FAAH2: variants seen among roughly 807,000 people sequenced by gnomAD.
FAAH2 encodes the protein fatty-acid amide hydrolase 2.
FAAH2 carries 60 observed loss-of-function variants against 36.9 expected under a neutral mutation model. That is an observed-to-expected ratio of 1.63 (90% CI 1.32 to 2.02). FAAH2 has a LOEUF of 2.02. FAAH2 is among the 30% of genes most tolerant of loss of function. The pLI is 0.00. For synonymous variants in FAAH2, 214 were observed against 143.8 expected, an observed-to-expected ratio of 1.49 and a Z score of -3.49; for missense variants, 689 against 397.5, an observed-to-expected ratio of 1.73 and a Z score of -6.23.
At chrX:57,151,700 G>A in the FAAH2 span, among the ~76,000 whole-genome samples, 4 of 110,841 alleles carry the variant, frequency 3.6e-5, no homozygotes, top group African/African-American at 9.9e-5. Context: ...TTTGCCATTG[G>A]TTTGAATTTC....
rs372783296 is a variant in FAAH2 at position 57,378,703 on chromosome X, G to A, written c.795G>A (p.Leu265=). Residue 265 remains leucine, a synonymous_variant, in exon 6 of 11, where the codon TTG becomes TTA. Coordinates refer to ENST00000374900, the MANE Select transcript of FAAH2 (RefSeq NM_174912.4). ...QFPLAVGAQE[L]FLCTGPMCRY... The stretch of plus-strand genomic sequence containing the variant: ...CCTTGGCTGTGGGAGCCCAGGAGTT[G>A]TTTCTGTGCACTGGTCCTATGTGCC... The A allele has an allele frequency of 8.3e-7, 1 of 1,211,185 alleles. No individual in the cohort carries two copies.
chrX:57,288,495 G>A (rs973074642), intron 1 of FAAH2, among the ~76,000 whole-genome samples: 7 of 107,739 alleles, frequency 6.5e-5, no homozygotes, highest in Admixed American at 5.0e-4. Flanking sequence ...GACTACAGGC[G>A]CCCGCCACCA....
intron 5 of FAAH2, among the ~76,000 whole-genome samples, chrX:57,358,559 ATG>A (rs1223214129): frequency 3.6e-5 from 4 of 110,607 alleles, no homozygotes; most frequent in Non-Finnish European, 7.6e-5. Context: ...TTATATATGT[ATG>A]TGTGTGTGTG....
intron 8 of FAAH2, among the ~76,000 whole-genome samples, chrX:57,439,794 G>A (rs760613948): frequency 1.6e-4 from 18 of 111,584 alleles, no homozygotes; most frequent in Admixed American, 3.8e-4. Flanking sequence ...TGTAAGGAAG[G>A]GATCCAGTTT....
chrX:57,443,567 C>G (rs1245890811), intron 8 of FAAH2, among the ~76,000 whole-genome samples: 1 of 111,815 alleles, frequency 8.9e-6, no homozygotes, highest in East Asian at 2.8e-4. Context: ...CCTCCTTTAG[C>G]TTGGAGAAGT....
At chrX:57,438,462 C>T (rs771150300) in intron 8 of FAAH2, among the ~76,000 whole-genome samples, 1 of 108,486 alleles carries the variant, frequency 9.2e-6, no homozygotes, top group East Asian at 2.9e-4. Flanking sequence ...GAGAAACATC[C>T]CATGCTATTG....
At position 57,352,035 on chromosome X, in the gene FAAH2, T is replaced by TATATATATATATATATATAC. The variant is rs1293991896; in HGVS notation, c.742+10646_742+10647insTATATATATATATATATACA. ...ATGTGTGTGTGTATATATATATATA[T>TATATATATATATATATATAC]ACATATATATATGTGTATATATATA... On this transcript the variant is annotated intron_variant, in intron 5 of 10. Transcript: ENST00000374900. 2.5e-4 allele frequency among the ~76,000 whole-genome samples: 4 copies of TATATATATATATATATATAC among 15,882 alleles called. 1 individual carries two copies. Among genetic ancestry groups the TATATATATATATATATATAC allele is most frequent in the African/African-American group, 4.8e-4 (4 of 8,394 alleles). The allele number at this position is 15,882 out of a possible 115,157, so 13.8% of individuals were successfully genotyped here. A position where few individuals can be genotyped will look rare whatever the true frequency, so the allele number is the denominator to read the frequency against.
intron 10 of FAAH2, among the ~76,000 whole-genome samples, chrX:57,467,795 G>T (rs1336321015): frequency 8.9e-6 from 1 of 111,858 alleles, no homozygotes; most frequent in Non-Finnish European, 1.9e-5. Flanking sequence ...CGGACAGACT[G>T]CCTCCTCAAG....
intron 5 of FAAH2, among the ~76,000 whole-genome samples, chrX:57,352,066 ACACATATATATATGTG>A (rs1348995355): frequency 6.0e-4 from 6 of 9,925 alleles, no homozygotes; most frequent in Non-Finnish European, 1.8e-3. Context: ...ATATATATAT[ACACATATATATATGTG>A]TATATATATG....
chrX:57,155,095 T>A, the FAAH2 span, among the ~76,000 whole-genome samples: 1 of 111,844 alleles, frequency 8.9e-6, no homozygotes, highest in Non-Finnish European at 1.9e-5. Context: ...GGCAGGAGAG[T>A]TAAATGGACT....
the FAAH2 span, among the ~76,000 whole-genome samples, chrX:57,175,516 C>G: frequency 2.7e-5 from 3 of 111,844 alleles, no homozygotes; most frequent in African/African-American, 9.7e-5. Flanking sequence ...AACTTCTTAT[C>G]TATTTTGCCA....
chrX:57,194,317 C>T, the FAAH2 span, among the ~76,000 whole-genome samples: 5 of 111,265 alleles, frequency 4.5e-5, no homozygotes, highest in Admixed American at 3.8e-4. Flanking sequence ...CATATAATTA[C>T]TCATAGTATC....
chrX:57,236,746 T>C, the FAAH2 span, among the ~76,000 whole-genome samples: 108 of 111,795 alleles, frequency 9.7e-4, no homozygotes, highest in African/African-American at 3.4e-3. Context: ...TTATATATCA[T>C]GAATATTAGC....
the FAAH2 span, among the ~76,000 whole-genome samples, chrX:57,212,854 T>C: frequency 1.2e-4 from 13 of 112,125 alleles, no homozygotes; most frequent in East Asian, 3.1e-3. Flanking sequence ...AATGAGTTAG[T>C]ATTTTCACCT....
intron 7 of FAAH2, among the ~76,000 whole-genome samples, chrX:57,420,329 A>G (rs984075907): frequency 5.4e-5 from 6 of 111,424 alleles, no homozygotes; most frequent in African/African-American, 2.0e-4. Context: ...CATTTTCATG[A>G]TATTGATTCT....
At chrX:57,452,286 A>G in intron 10 of FAAH2, 1 of 754,789 alleles carries the variant, frequency 1.3e-6, no homozygotes, top group South Asian at 6.7e-5. Flanking sequence ...CCAGCATTAG[A>G]GTGAAACTCA....
intron 7 of FAAH2, among the ~76,000 whole-genome samples, chrX:57,421,116 C>T (rs933014089): frequency 2.7e-5 from 3 of 112,063 alleles, no homozygotes; most frequent in African/African-American, 9.7e-5. Context: ...CATTTTAGCT[C>T]CAACACATGA....
intron 3 of FAAH2, among the ~76,000 whole-genome samples, chrX:57,319,351 A>G (rs1350140050): frequency 8.9e-6 from 1 of 111,987 alleles, no homozygotes; most frequent in Non-Finnish European, 1.9e-5. Flanking sequence ...ATGTGCAAAA[A>G]TCACAAGCAT....
chrX:57,399,322 G>C (rs1169725331), intron 7 of FAAH2, among the ~76,000 whole-genome samples: 1 of 111,884 alleles, frequency 8.9e-6, no homozygotes, highest in Admixed American at 9.4e-5. Flanking sequence ...TTGGCCATCT[G>C]ATGGGTGCTA....
Sources: gnomAD v4.1 joint callset for allele counts (sites outside exome capture counted in the v4.1 genomes callset) on GRCh38, gnomAD v4.1.1 for gene constraint, MANE v1.5 for transcripts, NCBI Gene and HGNC (gene_info 2026-07-23, HGNC 2026-07-21) for gene names.